The following GSG1L variants were observed in gnomAD, a reference collection of about 807,000 sequenced individuals.
GSG1L encodes germ cell-specific gene 1-like protein.
Under a neutral mutation model 42.1 loss-of-function variants are expected in GSG1L, and 24 were observed. That is an observed-to-expected ratio of 0.57 (90% confidence interval 0.41 to 0.80). The LOEUF (loss-of-function observed/expected upper bound fraction) is 0.80. Among genes scored for constraint, GSG1L ranks in the 30% least tolerant of loss-of-function variants. The probability of loss-of-function intolerance (pLI) is 0.00; values close to 1 mark genes in which losing one functional copy is unlikely to be tolerated. For missense variants in GSG1L, 445 were observed against 472.2 expected (o/e 0.94, Z 0.53); for synonymous variants, 215 against 203.5 (o/e 1.06, Z -0.48).
intron 2 of GSG1L, among the ~76,000 whole-genome samples, chr16:27,918,280 C>A (rs1416572765): frequency 6.6e-6 from 1 of 152,078 alleles, no homozygotes; most frequent in African/African-American, 2.4e-5. Context: ...TGACACCCAG[C>A]AGAAAAAAAC....
intron 3 of GSG1L, among the ~76,000 whole-genome samples, chr16:27,877,192 T>A (rs1479631216): frequency 1.3e-5 from 2 of 152,034 alleles, no homozygotes; most frequent in Non-Finnish European, 2.9e-5. Flanking sequence ...GTCACAAGAC[T>A]TGGGGGGAGT....
chr16:28,019,124 G>C (rs2085810695), intron 1 of GSG1L, among the ~76,000 whole-genome samples: 1 of 152,154 alleles, frequency 6.6e-6, no homozygotes, highest in African/African-American at 2.4e-5. Flanking sequence ...ATAAGGCTGA[G>C]ACCTACTGGG....
intron 1 of GSG1L, among the ~76,000 whole-genome samples, chr16:28,052,160 G>A (rs2086228396): frequency 6.6e-6 from 1 of 152,034 alleles, no homozygotes; most frequent in East Asian, 1.9e-4. Context: ...TGAGAAATTG[G>A]AAAGATGGAG....
At chr16:27,871,088 C>T (rs2083814529) in intron 3 of GSG1L, among the ~76,000 whole-genome samples, 1 of 152,148 alleles carries the variant, frequency 6.6e-6, no homozygotes, top group South Asian at 2.1e-4. Context: ...TTCCCAACCC[C>T]AAACCAGCAG....
At chr16:27,792,295 G>A (rs2082764410) in intron 6 of GSG1L, among the ~76,000 whole-genome samples, 2 of 152,136 alleles carry the variant, frequency 1.3e-5, no homozygotes, top group African/African-American at 4.8e-5. Context: ...GTGGACATGG[G>A]TGTGCCCTAA....
chr16:27,844,006 G>A (rs1282992003), intron 4 of GSG1L, among the ~76,000 whole-genome samples: 2 of 152,294 alleles, frequency 1.3e-5, no homozygotes, highest in East Asian at 1.9e-4. Context: ...TAAACATGTG[G>A]AGGGTGCCAA....
At chr16:28,057,766 T>C (rs906864473) in intron 1 of GSG1L, among the ~76,000 whole-genome samples, 9 of 152,072 alleles carry the variant, frequency 5.9e-5, no homozygotes, top group Non-Finnish European at 1.0e-4. Context: ...ATGGGGCAGA[T>C]AGGATCATCC....
intron 2 of GSG1L, among the ~76,000 whole-genome samples, chr16:27,938,634 C>A (rs1221119090): frequency 1.3e-5 from 2 of 152,146 alleles, no homozygotes; most frequent in African/African-American, 4.8e-5. Flanking sequence ...CAAGTGCCCA[C>A]CGCGAGGGAC....
chr16:27,916,323 T>A (rs1475537064), intron 2 of GSG1L, among the ~76,000 whole-genome samples: 4 of 147,080 alleles, frequency 2.7e-5, no homozygotes, highest in Admixed American at 2.7e-4. Context: ...TGTATTTATA[T>A]TTTTTTTTTA....
intron 1 of GSG1L, among the ~76,000 whole-genome samples, chr16:28,050,294 T>C (rs1452064389): frequency 1.3e-5 from 2 of 152,152 alleles, no homozygotes; most frequent in Non-Finnish European, 2.9e-5. Context: ...GATCCTCCCA[T>C]CTCAGCCTCC....
chr16:27,898,356 ACCC>A (rs1268182461), intron 2 of GSG1L, among the ~76,000 whole-genome samples: 1 of 19,208 alleles, frequency 5.2e-5, no homozygotes, highest in Non-Finnish European at 1.2e-4. Context: ...CCGCCCACCC[ACCC>A]CCTGCGAGGT....
At chr16:27,802,045 C>T (rs2082888737) in intron 6 of GSG1L, among the ~76,000 whole-genome samples, 1 of 152,012 alleles carries the variant, frequency 6.6e-6, no homozygotes, top group Non-Finnish European at 1.5e-5. Context: ...TGGCTAAGTC[C>T]CCCCTTCCTG....
chr16:27,946,611 G>C (rs1191343858), intron 2 of GSG1L, among the ~76,000 whole-genome samples: 5 of 8,284 alleles, frequency 6.0e-4, no homozygotes, highest in Non-Finnish European at 1.1e-3. Context: ...GAGAGAGAGA[G>C]AGAGAGAGAG....
At chr16:27,856,498 A>G (rs1436528822) in intron 3 of GSG1L, among the ~76,000 whole-genome samples, 1 of 152,128 alleles carries the variant, frequency 6.6e-6, no homozygotes, top group Non-Finnish European at 1.5e-5. Context: ...TGGTTTTTGT[A>G]GAGACAGGGT....
chr16:27,964,089 T>C (rs945418248), intron 1 of GSG1L, among the ~76,000 whole-genome samples: 1 of 152,122 alleles, frequency 6.6e-6, no homozygotes, highest in Admixed American at 6.5e-5. Context: ...GATCATACTT[T>C]GGGAGGCCGA....
At chr16:27,894,823 C>A (rs2084171967) in intron 2 of GSG1L, among the ~76,000 whole-genome samples, 1 of 152,146 alleles carries the variant, frequency 6.6e-6, no homozygotes, top group Admixed American at 6.5e-5. Context: ...CAGAGTAAGT[C>A]AGGAGCAGAG....
chr16:27,945,502 CG>C (rs980104360), intron 2 of GSG1L, among the ~76,000 whole-genome samples: 19 of 152,108 alleles, frequency 1.2e-4, no homozygotes, highest in African/African-American at 4.3e-4. Context: ...CAAACGCGAG[CG>C]GAAGATCGGA....
At chr16:27,937,268 C>T (rs918198262) in intron 2 of GSG1L, among the ~76,000 whole-genome samples, 5 of 151,630 alleles carry the variant, frequency 3.3e-5, no homozygotes, top group East Asian at 1.9e-4. Context: ...AATGGAGTCT[C>T]GCTCTGTCAT....
At chr16:27,871,503 G>A (rs1186343227) in intron 3 of GSG1L, among the ~76,000 whole-genome samples, 20 of 152,122 alleles carry the variant, frequency 1.3e-4, no homozygotes, top group Admixed American at 1.3e-3. Context: ...ATAGCCAGGT[G>A]TGGTGGCACA....
Sources: gnomAD v4.1 joint callset for allele counts (sites outside exome capture counted in the v4.1 genomes callset) on GRCh38, gnomAD v4.1.1 for gene constraint, MANE v1.5 for transcripts, NCBI Gene and HGNC (gene_info 2026-07-23, HGNC 2026-07-21) for gene names.